The following AFF2 variants were observed in gnomAD, a reference collection of about 807,000 sequenced individuals.
The protein encoded by AFF2 is AF4/FMR2 family member 2.
In AFF2, 14 loss-of-function variants were observed where a neutral mutation model predicts 76.9. The observed-to-expected ratio is 0.18, with a 90% CI of 0.12 to 0.28. AFF2 has a LOEUF of 0.28. Among genes scored for constraint, AFF2 ranks in the 10% least tolerant of loss-of-function variants. AFF2 has a pLI of 1.00. For missense variants in AFF2, 868 were observed against 1,001.1 expected (o/e 0.87, Z 1.79); for synonymous variants, 398 against 366.7 (o/e 1.09, Z -0.98).
chrX:148,804,538 G>T (rs918602215), intron 3 of AFF2, among the ~76,000 whole-genome samples: 11 of 112,232 alleles, frequency 9.8e-5, no homozygotes, highest in Admixed American at 2.8e-4. Flanking sequence ...TGTTCTTTTT[G>T]TACTTTTCTG....
At chrX:148,941,578 G>T (rs1027076042) in intron 9 of AFF2, among the ~76,000 whole-genome samples, 1 of 111,931 alleles carries the variant, frequency 8.9e-6, no homozygotes, top group Admixed American at 9.5e-5. Context: ...GTTCATGCAT[G>T]TTTGTACACT....
At chrX:148,588,794 A>T (rs1434401339) in intron 1 of AFF2, among the ~76,000 whole-genome samples, 7 of 111,470 alleles carry the variant, frequency 6.3e-5, no homozygotes, top group Non-Finnish European at 1.3e-4. Context: ...GGCTAAACTA[A>T]AGTGACTCAC....
intron 16 of AFF2, among the ~76,000 whole-genome samples, chrX:148,974,117 G>A (rs782049016): frequency 9.0e-6 from 1 of 110,927 alleles, no homozygotes; most frequent in African/African-American, 3.3e-5. Flanking sequence ...GGTGGTAGTA[G>A]GGGCTGGCGG....
At chrX:148,761,969 A>C (rs1367935074) in intron 3 of AFF2, among the ~76,000 whole-genome samples, 2 of 70,569 alleles carry the variant, frequency 2.8e-5, no homozygotes, top group African/African-American at 1.5e-4. Flanking sequence ...ATAGATATAG[A>C]TATAGATATA....
intron 19 of AFF2, among the ~76,000 whole-genome samples, chrX:148,985,078 C>G (rs1557291294): frequency 4.6e-5 from 5 of 109,675 alleles, no homozygotes; most frequent in Admixed American, 2.9e-4. Flanking sequence ...TCTGCCTTCT[C>G]AGATCAAGTG....
At chrX:148,721,452 A>G (rs1338867925) in intron 3 of AFF2, among the ~76,000 whole-genome samples, 1 of 111,854 alleles carries the variant, frequency 8.9e-6, no homozygotes, top group East Asian at 2.8e-4. Context: ...ATGCATTGAA[A>G]ATCATTGTGC....
At chrX:148,852,772 C>T (rs1449991721) in intron 7 of AFF2, among the ~76,000 whole-genome samples, 1 of 111,686 alleles carries the variant, frequency 9.0e-6, no homozygotes, top group Non-Finnish European at 1.9e-5. Context: ...CCACTATCAT[C>T]GCTCCCAGGA....
chrX:148,729,472 A>G (rs2055196591), intron 3 of AFF2, among the ~76,000 whole-genome samples: 1 of 112,093 alleles, frequency 8.9e-6, no homozygotes, highest in Admixed American at 9.4e-5. Flanking sequence ...TCAATGTGAC[A>G]CTACAGACGT....
chrX:148,581,281 TATATACGTATACGTGTACACAC>T (rs2053383677), intron 1 of AFF2, among the ~76,000 whole-genome samples: 1 of 229 alleles, frequency 4.4e-3, no homozygotes, highest in African/African-American at 6.5e-3. Context: ...CATATACACG[TATATACGTATACGTGTACACAC>T]ATATACGTAT....
At chrX:148,568,957 C>T (rs781966563) in intron 1 of AFF2, among the ~76,000 whole-genome samples, 73 of 111,227 alleles carry the variant, frequency 6.6e-4, no homozygotes, top group Non-Finnish European at 1.2e-3. Context: ...AGATGCTGGG[C>T]CAAATGTGTA....
intron 3 of AFF2, among the ~76,000 whole-genome samples, chrX:148,690,695 G>T (rs1163090313): frequency 8.9e-6 from 1 of 112,592 alleles, no homozygotes; most frequent in Non-Finnish European, 1.9e-5. Flanking sequence ...AAACTGCCCA[G>T]ATTTGTATCC....
chrX:148,882,084 C>A (rs1557278544), intron 7 of AFF2, among the ~76,000 whole-genome samples: 1 of 111,435 alleles, frequency 9.0e-6, no homozygotes. Flanking sequence ...TCTATTTTTC[C>A]CTCTTCAAAA....
intron 8 of AFF2, among the ~76,000 whole-genome samples, chrX:148,901,538 G>A (rs2071355072): frequency 8.9e-6 from 1 of 111,936 alleles, no homozygotes; most frequent in Admixed American, 9.5e-5. Flanking sequence ...GGTGAATTGT[G>A]CTATGTCACT....
At chrX:148,864,874 C>T (rs1390555544) in intron 7 of AFF2, among the ~76,000 whole-genome samples, 1 of 111,768 alleles carries the variant, frequency 8.9e-6, no homozygotes, top group Non-Finnish European at 1.9e-5. Context: ...TGGGAAAAGT[C>T]GACTGAAAAA....
intron 15 of AFF2, among the ~76,000 whole-genome samples, chrX:148,971,997 C>G (rs2072267476): frequency 5.3e-5 from 1 of 18,855 alleles, no homozygotes; most frequent in African/African-American, 2.3e-4. Context: ...TTGTTCAATT[C>G]CCACCTATGA....
intron 1 of AFF2, among the ~76,000 whole-genome samples, chrX:148,604,490 T>G (rs1348010078): frequency 8.9e-6 from 1 of 112,402 alleles, no homozygotes; most frequent in Non-Finnish European, 1.9e-5. Context: ...ATTCCTGGGC[T>G]TCAGCAGTCC....
At chrX:148,679,808 G>A (rs2054528152) in intron 3 of AFF2, among the ~76,000 whole-genome samples, 1 of 111,469 alleles carries the variant, frequency 9.0e-6, no homozygotes, top group East Asian at 2.8e-4. Flanking sequence ...AACAGCACAG[G>A]CCACTTTTTC....
At chrX:148,719,097 G>A (rs782373738) in intron 3 of AFF2, 76 of 1,106,187 alleles carry the variant, frequency 6.9e-5, no homozygotes, top group Non-Finnish European at 8.4e-5. Flanking sequence ...GGTGAGTTTT[G>A]GTTGTGGCAA....
intron 3 of AFF2, among the ~76,000 whole-genome samples, chrX:148,695,558 A>G (rs1239200566): frequency 1.8e-5 from 2 of 112,346 alleles, no homozygotes; most frequent in African/African-American, 6.5e-5. Context: ...TCATTAACGA[A>G]AGTCTTTGCA....
Sources: allele counts gnomAD v4.1 joint callset (sites outside exome capture counted in the v4.1 genomes callset), GRCh38; gene constraint gnomAD v4.1.1; transcripts MANE v1.5; gene names NCBI Gene and HGNC (gene_info 2026-07-23, HGNC 2026-07-21).